The following DAB1 variants were observed in gnomAD, a reference collection of about 807,000 sequenced individuals.
DAB1 encodes the protein disabled homolog 1.
Under a neutral mutation model 64.6 loss-of-function variants are expected in DAB1, and 15 were observed. The ratio of observed to expected loss-of-function variants is 0.23; its 90% CI spans 0.16 to 0.36. The LOEUF is 0.36. Among genes scored for constraint, DAB1 ranks in the 10% least tolerant of loss-of-function variants. The probability of loss-of-function intolerance (pLI) is 1.00; values close to 1 mark genes in which losing one functional copy is unlikely to be tolerated. For missense variants in DAB1, 596 were observed against 706.7 expected (o/e 0.84, Z 1.78); for synonymous variants, 235 against 251.9 (o/e 0.93, Z 0.64).
chr1:58,520,700 A>G (rs1569941214), intron 2 of DAB1, among the ~76,000 whole-genome samples: 1 of 152,226 alleles, frequency 6.6e-6, no homozygotes, highest in South Asian at 2.1e-4. Flanking sequence ...ACATTAGGCA[A>G]GAAGTATTAC....
At chr1:58,126,666 A>C (rs1328316665) in intron 5 of DAB1, among the ~76,000 whole-genome samples, 4 of 128,072 alleles carry the variant, frequency 3.1e-5, no homozygotes, top group Non-Finnish European at 6.3e-5. Context: ...TGTCCATGTG[A>C]TCTCATTGTT....
Position 57,306,015 on chromosome 1 carries a change from T to C in DAB1, c.-136-14849A>G, listed in dbSNP as rs535806150. On this transcript the variant is annotated intron_variant, in intron 1 of 14. Coordinates refer to ENST00000371236, the MANE Select transcript of DAB1 (RefSeq NM_001365792.1). ...AAAGAAAAGAAAACAATGACTTTCA[T>C]GAGAACCTACTAGGCTTCACGTTCT... 4.6e-5 allele frequency among the ~76,000 whole-genome samples: 7 copies of C among 151,610 alleles called. No homozygotes were observed. The East Asian group carries it at 1.4e-3, about 29-fold the overall frequency.
chr1:57,550,020 G>T (rs961914667), intron 7 of DAB1, among the ~76,000 whole-genome samples: 2 of 152,138 alleles, frequency 1.3e-5, no homozygotes, highest in African/African-American at 2.4e-5. Flanking sequence ...TGTCCTCAAT[G>T]AACAGAAATA....
chr1:58,347,123 T>C (rs1422316226), intron 3 of DAB1, among the ~76,000 whole-genome samples: 1 of 152,292 alleles, frequency 6.6e-6, no homozygotes, highest in South Asian at 2.1e-4. Context: ...TTTGTTTGTT[T>C]TGAGACAAAG....
intron 3 of DAB1, among the ~76,000 whole-genome samples, chr1:58,388,818 C>T (rs1377127466): frequency 6.6e-6 from 1 of 152,100 alleles, no homozygotes; most frequent in Non-Finnish European, 1.5e-5. Context: ...TAGTATAGCA[C>T]AATAGGAAGA....
At chr1:57,649,658 G>T (rs2101653174) in exon 7 of DAB1, 1 of 152,254 alleles carries the variant, frequency 6.6e-6, no homozygotes, top group African/African-American at 2.4e-5. Flanking sequence ...ACCATGTCTT[G>T]CTGAGTGCTG....
At chr1:57,431,973 T>C (rs1685534474) in intron 7 of DAB1, among the ~76,000 whole-genome samples, 1 of 151,946 alleles carries the variant, frequency 6.6e-6, no homozygotes, top group Admixed American at 6.6e-5. Flanking sequence ...AATACAAAAA[T>C]TAGCTGAGTG....
intron 4 of DAB1, among the ~76,000 whole-genome samples, chr1:58,250,794 A>G (rs771789686): frequency 2.6e-5 from 4 of 152,224 alleles, no homozygotes; most frequent in Non-Finnish European, 4.4e-5. Flanking sequence ...TATGGACTTC[A>G]GGTTAAGCAA....
intron 4 of DAB1, among the ~76,000 whole-genome samples, chr1:57,123,169 A>C (rs900086341): frequency 6.6e-6 from 1 of 152,172 alleles, no homozygotes; most frequent in African/African-American, 2.4e-5. Flanking sequence ...ATGACCCTGA[A>C]CATAGGCCAG....
chr1:58,057,428 T>C (rs763974954), intron 5 of DAB1, among the ~76,000 whole-genome samples: 20 of 152,188 alleles, frequency 1.3e-4, no homozygotes, highest in African/African-American at 2.2e-4. Context: ...TCTAATCCTA[T>C]TGAATTAGAC....
intron 1 of DAB1, among the ~76,000 whole-genome samples, chr1:57,317,792 C>T (rs1570261781): frequency 6.6e-6 from 1 of 152,132 alleles, no homozygotes; most frequent in East Asian, 1.9e-4. Context: ...AAACACTAGT[C>T]TAATATGAAG....
chr1:57,325,081 C>T (rs1676045606), intron 1 of DAB1, among the ~76,000 whole-genome samples: 1 of 152,230 alleles, frequency 6.6e-6, no homozygotes, highest in African/African-American at 2.4e-5. Flanking sequence ...TTTCAGTCTT[C>T]TTTGATTTTT....
intron 7 of DAB1, among the ~76,000 whole-genome samples, chr1:57,477,334 T>C (rs1182982373): frequency 6.6e-6 from 1 of 152,232 alleles, no homozygotes; most frequent in Non-Finnish European, 1.5e-5. Flanking sequence ...ACCCTGTTTA[T>C]AGTGTACTCT....
At chr1:57,484,942 G>A (rs990480505) in intron 7 of DAB1, among the ~76,000 whole-genome samples, 10 of 152,276 alleles carry the variant, frequency 6.6e-5, no homozygotes, top group African/African-American at 1.9e-4. Flanking sequence ...ATAATAAAGC[G>A]GGTATTGACA....
chr1:57,405,758 A>T (rs1683585829), intron 1 of DAB1, among the ~76,000 whole-genome samples: 1 of 152,224 alleles, frequency 6.6e-6, no homozygotes, highest in African/African-American at 2.4e-5. Context: ...TGTAGTTCTT[A>T]TAACAGGAGA....
chr1:57,089,015 C>T (rs938143950), intron 4 of DAB1, among the ~76,000 whole-genome samples: 2 of 152,222 alleles, frequency 1.3e-5, no homozygotes, highest in Admixed American at 6.5e-5. Flanking sequence ...TGGCCTTTCA[C>T]TCACAAGCAA....
intron 9 of DAB1, among the ~76,000 whole-genome samples, chr1:57,029,660 G>C (rs531719603): frequency 2.4e-4 from 37 of 152,306 alleles, no homozygotes; most frequent in African/African-American, 8.7e-4. Context: ...GCGTGACCTG[G>C]ATGTGAGACC....
intron 1 of DAB1, among the ~76,000 whole-genome samples, chr1:57,396,642 G>T (rs531869699): frequency 6.6e-6 from 1 of 152,268 alleles, no homozygotes; most frequent in East Asian, 1.9e-4. Flanking sequence ...TTCAAACCCT[G>T]GTTCTGCCAC....
chr1:57,299,791 C>T (rs576802058), intron 1 of DAB1, among the ~76,000 whole-genome samples: 2 of 152,336 alleles, frequency 1.3e-5, no homozygotes, highest in South Asian at 4.1e-4. Flanking sequence ...CCTGACTCCG[C>T]CATTGACTGC....
Sources: gnomAD v4.1 joint callset for allele counts (sites outside exome capture counted in the v4.1 genomes callset) on GRCh38, gnomAD v4.1.1 for gene constraint, MANE v1.5 for transcripts, NCBI Gene and HGNC (gene_info 2026-07-23, HGNC 2026-07-21) for gene names.